Variants in TRAPPC9 observed in about 807,000 individuals in gnomAD.
TRAPPC9 encodes the protein trafficking protein particle complex subunit 9.
A neutral mutation model predicts 124.0 loss-of-function variants in TRAPPC9; 83 were observed. The observed-to-expected ratio is 0.67, with a 90% CI of 0.56 to 0.80. The LOEUF is 0.80. TRAPPC9 is among the 30% of genes least tolerant of loss of function. The pLI, the probability that TRAPPC9 is intolerant of heterozygous loss-of-function variation, is 0.00. For synonymous variants in TRAPPC9, 638 were observed against 617.5 expected, an observed-to-expected ratio of 1.03 and a Z score of -0.49; for missense variants, 1,302 against 1,508.3, an observed-to-expected ratio of 0.86 and a Z score of 2.27.
At chr8:140,349,085 G>A (rs1170798705) in intron 9 of TRAPPC9, among the ~76,000 whole-genome samples, 7 of 141,944 alleles carry the variant, frequency 4.9e-5, no homozygotes, top group Non-Finnish European at 9.3e-5. Context: ...GAAGGGGGGC[G>A]TGCGAGGGAA....
At chr8:139,813,741 G>C in intron 21 of TRAPPC9, among the ~76,000 whole-genome samples, 1 of 152,318 alleles carries the variant, frequency 6.6e-6, no homozygotes, top group Admixed American at 6.5e-5. Context: ...TGGGCTGCCT[G>C]GGGACACAGA....
chr8:139,836,504 G>T (rs1826362367), intron 21 of TRAPPC9, among the ~76,000 whole-genome samples: 1 of 152,230 alleles, frequency 6.6e-6, no homozygotes, highest in Non-Finnish European at 1.5e-5. Context: ...GTTCGGGAGG[G>T]AGGTAGGGCC....
intron 17 of TRAPPC9, among the ~76,000 whole-genome samples, chr8:140,146,283 G>A (rs770618298): frequency 5.9e-5 from 9 of 152,250 alleles, no homozygotes; most frequent in Non-Finnish European, 1.2e-4. Flanking sequence ...GCCTGGTTCA[G>A]AAATGCATTA....
At chr8:139,831,203 C>T (rs533696976) in intron 21 of TRAPPC9, among the ~76,000 whole-genome samples, 1 of 152,286 alleles carries the variant, frequency 6.6e-6, no homozygotes, top group African/African-American at 2.4e-5. Flanking sequence ...TCCAAGGACA[C>T]ATCTGGGGCA....
chr8:140,204,123 A>C (rs1587917575), intron 17 of TRAPPC9, among the ~76,000 whole-genome samples: 2 of 152,220 alleles, frequency 1.3e-5, no homozygotes, highest in East Asian at 3.9e-4. Flanking sequence ...TGCCCTCCCC[A>C]CAGTAATGAG....
intron 16 of TRAPPC9, among the ~76,000 whole-genome samples, chr8:140,249,176 C>G (rs1380879151): frequency 1.3e-5 from 2 of 152,062 alleles, no homozygotes; most frequent in East Asian, 3.8e-4. Context: ...CTCCCTGACC[C>G]CTCACTCCCT....
At chr8:140,358,581 TCAAAGA>T (rs1354274101) in intron 9 of TRAPPC9, among the ~76,000 whole-genome samples, 1 of 152,156 alleles carries the variant, frequency 6.6e-6, no homozygotes, top group African/African-American at 2.4e-5. Context: ...CAGAGCCTGC[TCAAAGA>T]CAGAGAACAG....
chr8:140,014,360 G>C (rs1049609709), intron 18 of TRAPPC9, among the ~76,000 whole-genome samples: 1 of 152,164 alleles, frequency 6.6e-6, no homozygotes, highest in East Asian at 1.9e-4. Flanking sequence ...TGTGTAAAAA[G>C]CAAATCTCAA....
At chr8:140,023,837 C>T in intron 18 of TRAPPC9, 100 bp downstream of exon 18, 1 of 1,577,160 alleles carries the variant, frequency 6.3e-7, no homozygotes, top group Admixed American at 1.7e-5. Context: ...TGGCACGGAT[C>T]TGACGGGATG....
chr8:140,159,052 A>G (rs1405085305), intron 17 of TRAPPC9, among the ~76,000 whole-genome samples: 1 of 152,212 alleles, frequency 6.6e-6, no homozygotes, highest in African/African-American at 2.4e-5. Context: ...CCTTGGCGGA[A>G]GTTCCCTGCC....
intron 15 of TRAPPC9, among the ~76,000 whole-genome samples, chr8:140,260,556 T>C (rs1219200237): frequency 2.0e-5 from 3 of 152,180 alleles, no homozygotes; most frequent in African/African-American, 4.8e-5. Flanking sequence ...GCAAACTAAT[T>C]AGGTAAGTTC....
chr8:140,439,157 C>A lies in TRAPPC9; in HGVS notation c.625G>T (p.Val209Leu), dbSNP rs1441780911. ...KRCQGRMRKH[V>L]GDLCLQAGML... ...CCTGCCTGCAGGCACAGGTCCCCCA[C>A]GTGCTTCCGCATGCGGCCTTGGCAC... Residue 209 changes from valine to leucine, a missense_variant, in exon 3 of 23, where the codon GTG becomes TTG. Coordinates refer to ENST00000438773, the MANE Select transcript of TRAPPC9 (RefSeq NM_001160372.4). 4 of 1,614,190 alleles carry A rather than the reference C, an allele frequency of 2.5e-6. No individual in the cohort carries two copies.
At chr8:140,204,641 G>A (rs957337591) in intron 17 of TRAPPC9, among the ~76,000 whole-genome samples, 2 of 152,138 alleles carry the variant, frequency 1.3e-5, no homozygotes, top group African/African-American at 4.8e-5. Context: ...AAAAGAGCCT[G>A]CCAACACTCA....
At chr8:140,041,620 C>T (rs892916270) in intron 17 of TRAPPC9, among the ~76,000 whole-genome samples, 5 of 152,202 alleles carry the variant, frequency 3.3e-5, no homozygotes, top group Non-Finnish European at 7.3e-5. Flanking sequence ...GTGACTTGCT[C>T]GCCCTCATGG....
At chr8:139,774,558 C>G (rs1342010369) in intron 21 of TRAPPC9, among the ~76,000 whole-genome samples, 1 of 152,164 alleles carries the variant, frequency 6.6e-6, no homozygotes, top group Non-Finnish European at 1.5e-5. Context: ...CCAGCGACAG[C>G]AGCTGTGCCG....
chr8:140,445,447 C>T (rs955094415), intron 2 of TRAPPC9, among the ~76,000 whole-genome samples: 3 of 152,202 alleles, frequency 2.0e-5, no homozygotes, highest in African/African-American at 7.2e-5. Flanking sequence ...TCAAGACTCT[C>T]CTGTGGTCTG....
intron 2 of TRAPPC9, among the ~76,000 whole-genome samples, chr8:140,446,008 A>C (rs932561701): frequency 2.2e-4 from 33 of 152,204 alleles, no homozygotes; most frequent in African/African-American, 7.7e-4. Context: ...AAATGCAGAC[A>C]CTGGCTTGGT....
chr8:139,847,722 G>GC (rs2130915932), intron 21 of TRAPPC9, among the ~76,000 whole-genome samples: 1 of 149,892 alleles, frequency 6.7e-6, no homozygotes, highest in Admixed American at 6.6e-5. Flanking sequence ...ATGAGCACCT[G>GC]CCCCCCTGGT....
At position 140,433,279 on chromosome 8, in the gene TRAPPC9, A is replaced by T. The variant is rs1471669915; in HGVS notation, c.859+1833T>A. 2.0e-5 allele frequency among the ~76,000 whole-genome samples: 3 copies of T among 151,818 alleles called. No individual in the cohort carries two copies. In the East Asian group the frequency reaches 5.8e-4, roughly 29 times the overall value. ...TGCACTTCAGCCTGGGCAACAGAGC[A>T]AGACTCTGTCTCAAAAAACAACACA... On this transcript the variant is annotated intron_variant, in intron 4 of 22. Transcript: ENST00000438773.
Sources: gnomAD v4.1 joint callset for allele counts (sites outside exome capture counted in the v4.1 genomes callset) on GRCh38, gnomAD v4.1.1 for gene constraint, MANE v1.5 for transcripts, NCBI Gene and HGNC (gene_info 2026-07-23, HGNC 2026-07-21) for gene names.